ATXN1: variants seen among roughly 807,000 people sequenced by gnomAD.
ATXN1 encodes ataxin-1.
In ATXN1, 8 loss-of-function variants were observed where a neutral mutation model predicts 56.4. The ratio of observed to expected loss-of-function variants is 0.14; its 90% CI spans 0.08 to 0.26. ATXN1 has a LOEUF of 0.26. Among genes scored for constraint, ATXN1 ranks in the 10% least tolerant of loss-of-function variants. ATXN1 has a pLI of 1.00. For synonymous variants in ATXN1, 514 were observed against 494.6 expected, an observed-to-expected ratio of 1.04 and a Z score of -0.52; for missense variants, 987 against 1,106.5, an observed-to-expected ratio of 0.89 and a Z score of 1.53.
intron 2 of ATXN1, among the ~76,000 whole-genome samples, chr6:16,711,527 C>CAT: frequency 6.6e-6 from 1 of 151,296 alleles, no homozygotes; most frequent in South Asian, 2.1e-4. Context: ...ATAAAGAACT[C>CAT]ATATATATAC....
At chr6:16,730,655 C>T (rs1486835622) in intron 2 of ATXN1, among the ~76,000 whole-genome samples, 6 of 151,940 alleles carry the variant, frequency 3.9e-5, no homozygotes, top group African/African-American at 1.4e-4. Flanking sequence ...GGAATAGCAC[C>T]CTGCCTGAAG....
At chr6:16,679,738 A>T (rs968364600) in intron 2 of ATXN1, among the ~76,000 whole-genome samples, 4 of 152,232 alleles carry the variant, frequency 2.6e-5, no homozygotes, top group Non-Finnish European at 5.9e-5. Flanking sequence ...CTCTTTTAAA[A>T]TTAAGTATTG....
chr6:16,644,132 T>C (rs1433605031), intron 3 of ATXN1, among the ~76,000 whole-genome samples: 1 of 152,156 alleles, frequency 6.6e-6, no homozygotes, highest in Non-Finnish European at 1.5e-5. Flanking sequence ...AATGCAGAGC[T>C]TCTGTTCGGG....
In ATXN1 at chr6:16,693,332, T is replaced by TA. The variant is rs1759088872; in HGVS notation, c.-614-35432dup. Among the ~76,000 whole-genome samples, 3 of 152,290 alleles carry TA rather than the reference T, an allele frequency of 2.0e-5. No homozygotes were observed. The South Asian group carries it at 6.2e-4, about 32-fold the overall frequency. ...TCCTGAGCTCCACTGTCCTCATCTG[T>TA]AAAAATGGGATACCAGCGGCCTTGC... On this transcript the variant is annotated intron_variant, in intron 2 of 7. Transcript: ENST00000436367.
Position 16,326,782 on chromosome 6 carries a change from G to A in ATXN1, c.1529C>T (p.Thr510Met). Residue 510 changes from threonine to methionine, a missense_variant, in exon 7 of 8, where the codon ACG becomes ATG. Around this residue, in one of 3 missense-constraint regions of ATXN1, gnomAD observed 723 missense variants for 791.7 expected, o/e 0.91. Transcript: ENST00000436367. The surrounding 1 kb of genome is among the most constrained non-coding windows in gnomAD (Gnocchi z 6.6). The part of the protein sequence containing the change: ...EASGAAPAIV[T>M]SSPQFAAVPH... ...CACTGCAGCAAACTGGGGGGATGACGTGACTATGGCCGGGGCTGCCCCCGA... is the reference window on the plus strand; with the variant it reads ...CACTGCAGCAAACTGGGGGGATGACATGACTATGGCCGGGGCTGCCCCCGA... 1.2e-6 allele frequency: 2 copies of A among 1,611,832 alleles called. No homozygotes were observed. Among genetic ancestry groups the A allele is most frequent in the Non-Finnish European group, 1.7e-6 (2 of 1,178,458 alleles).
chr6:16,668,548 CACT>C (rs2113377964), intron 2 of ATXN1, among the ~76,000 whole-genome samples: 2 of 152,024 alleles, frequency 1.3e-5, no homozygotes, highest in East Asian at 3.9e-4. Context: ...CAAGGGTGCC[CACT>C]GAGAAGCTCC....
At chr6:16,542,789 C>T (rs1471947593) in intron 4 of ATXN1, among the ~76,000 whole-genome samples, 1 of 152,072 alleles carries the variant, frequency 6.6e-6, no homozygotes, top group Non-Finnish European at 1.5e-5. Flanking sequence ...TACATATACA[C>T]CCATGATAGA....
intron 2 of ATXN1, among the ~76,000 whole-genome samples, chr6:16,731,974 G>C (rs1759998563): frequency 6.6e-6 from 1 of 152,080 alleles, no homozygotes; most frequent in Non-Finnish European, 1.5e-5. Context: ...TCACAGAAAA[G>C]TACTTTAGAG....
At chr6:16,484,258 C>T (rs1371187412) in intron 6 of ATXN1, among the ~76,000 whole-genome samples, 1 of 151,998 alleles carries the variant, frequency 6.6e-6, no homozygotes, top group Non-Finnish European at 1.5e-5. Context: ...CATGGTGAAA[C>T]TCTGTCTCTA....
chr6:16,450,974 A>ACC (rs756579174), intron 6 of ATXN1, among the ~76,000 whole-genome samples: 1 of 151,730 alleles, frequency 6.6e-6, no homozygotes, highest in African/African-American at 2.4e-5. Context: ...ATTAAAGTAG[A>ACC]CCCCCCCAAG....
At chr6:16,679,609 A>G (rs150536388) in intron 2 of ATXN1, among the ~76,000 whole-genome samples, 2 of 152,340 alleles carry the variant, frequency 1.3e-5, no homozygotes, top group South Asian at 2.1e-4. Context: ...TTTTATGTAT[A>G]CTGCACAATC....
intron 6 of ATXN1, among the ~76,000 whole-genome samples, chr6:16,453,031 G>C (rs1012785489): frequency 2.0e-5 from 3 of 152,104 alleles, no homozygotes; most frequent in Non-Finnish European, 4.4e-5. Context: ...AAGTGATTTA[G>C]TCTTTAAAGT....
At chr6:16,693,405 G>A (rs1308901729) in intron 2 of ATXN1, among the ~76,000 whole-genome samples, 2 of 152,158 alleles carry the variant, frequency 1.3e-5, no homozygotes, top group Admixed American at 1.3e-4. Context: ...GACAAGGTAT[G>A]TGAAAGGGCT....
chr6:16,557,532 T>C (rs1018139283), intron 4 of ATXN1, among the ~76,000 whole-genome samples: 3 of 151,872 alleles, frequency 2.0e-5, no homozygotes, highest in Non-Finnish European at 4.4e-5. Context: ...GAAGTTCCTA[T>C]GGAAAAATAA....
At chr6:16,455,608 C>A (rs1289424282) in intron 6 of ATXN1, among the ~76,000 whole-genome samples, 5 of 152,194 alleles carry the variant, frequency 3.3e-5, no homozygotes, top group African/African-American at 1.2e-4. Flanking sequence ...ACACAAAAAC[C>A]TGCACTCAAA....
chr6:16,646,656 T>C (rs938721833), intron 3 of ATXN1, among the ~76,000 whole-genome samples: 9 of 152,268 alleles, frequency 5.9e-5, no homozygotes, highest in African/African-American at 2.2e-4. Context: ...CCGTGTGGAA[T>C]GCCTTGCTCC....
In ATXN1 at chr6:16,305,852, C is replaced by T. The variant is rs1399408505; in HGVS notation, c.*477G>A. 1 of 156,040 alleles carries T rather than the reference C, an allele frequency of 6.4e-6. No individual in the cohort carries two copies. The highest frequency in any genetic ancestry group is 2.4e-5 in the African/African-American group (1 of 41,486). The allele number at this position is 156,040 out of a possible 1,614,324, so 9.7% of individuals were successfully genotyped here. The stretch of plus-strand genomic sequence containing the variant: ...CCCAGGAGGACACTGCTCTGAACCC[C>T]CCCGGCCCATGCCGATAGCAAGAGA... On this transcript the variant is annotated 3_prime_UTR_variant, in exon 8 of 8. Coordinates refer to ENST00000436367, the MANE Select transcript of ATXN1 (RefSeq NM_001128164.2).
At chr6:16,365,272 G>A (rs1761895360) in intron 6 of ATXN1, among the ~76,000 whole-genome samples, 1 of 152,138 alleles carries the variant, frequency 6.6e-6, no homozygotes, top group Admixed American at 6.5e-5. Flanking sequence ...TGCCTCCCAA[G>A]TTCAAGTGAT....
intron 6 of ATXN1, among the ~76,000 whole-genome samples, chr6:16,480,640 G>A (rs977077828): frequency 6.6e-6 from 1 of 152,072 alleles, no homozygotes; most frequent in Non-Finnish European, 1.5e-5. Context: ...GTAATTGAGT[G>A]AACTCTAAAC....
Sources: allele counts gnomAD v4.1 joint callset (sites outside exome capture counted in the v4.1 genomes callset), GRCh38; gene constraint gnomAD v4.1.1; regional missense constraint gnomAD v4.1.1; non-coding constraint Gnocchi (gnomAD v3.1); transcripts MANE v1.5; gene names NCBI Gene and HGNC (gene_info 2026-07-23, HGNC 2026-07-21).